Variants in NRXN3 observed in about 807,000 individuals in gnomAD.
NRXN3 encodes the protein neurexin III.
In NRXN3, 32 loss-of-function variants were observed where a neutral mutation model predicts 137.6. The observed-to-expected ratio is 0.23, with a 90% confidence interval of 0.18 to 0.31. NRXN3 has a LOEUF of 0.31. Ranked by LOEUF, NRXN3 falls within the 10% of genes least tolerant of loss-of-function variation. NRXN3 has a pLI of 1.00. For missense variants in NRXN3, 1,574 were observed against 2,062.5 expected (o/e 0.76, Z 4.59); for synonymous variants, 798 against 784.5 (o/e 1.02, Z -0.29).
chr14:79,357,693 T>C (rs1305651367), intron 15 of NRXN3, among the ~76,000 whole-genome samples: 2 of 152,158 alleles, frequency 1.3e-5, no homozygotes, highest in African/African-American at 2.4e-5. Context: ...ATTTCCAGGA[T>C]TTAAGAAAAA....
intron 4 of NRXN3, among the ~76,000 whole-genome samples, chr14:78,456,838 TTTCTTTC>T (rs1219130282): frequency 1.6e-4 from 21 of 132,172 alleles, no homozygotes; most frequent in African/African-American, 5.1e-4. Flanking sequence ...TCTTTCTTTC[TTTCTTTC>T]TTTCTTTCTT....
At chr14:79,153,100 G>T (rs1356846530) in intron 15 of NRXN3, among the ~76,000 whole-genome samples, 3 of 151,938 alleles carry the variant, frequency 2.0e-5, no homozygotes, top group African/African-American at 7.2e-5. Flanking sequence ...GGGCAAGGAG[G>T]TGGAGAATGA....
chr14:78,407,776 T>A (rs999397479), intron 4 of NRXN3, among the ~76,000 whole-genome samples: 1 of 152,218 alleles, frequency 6.6e-6, no homozygotes, highest in South Asian at 2.1e-4. Flanking sequence ...ATCCCATTAG[T>A]CAACGAAGTC....
chr14:79,751,232 C>A (rs952987679), intron 19 of NRXN3, among the ~76,000 whole-genome samples: 14 of 152,104 alleles, frequency 9.2e-5, no homozygotes, highest in African/African-American at 2.9e-4. Context: ...TTGTTTGTAT[C>A]CTCTTTTATT....
intron 20 of NRXN3, among the ~76,000 whole-genome samples, chr14:79,825,085 C>T (rs2099290139): frequency 6.6e-6 from 1 of 151,788 alleles, no homozygotes; most frequent in African/African-American, 2.4e-5. Flanking sequence ...TGGAGTCAAC[C>T]TTATCCCTTC....
At chr14:78,471,802 A>G (rs1274219304) in intron 4 of NRXN3, among the ~76,000 whole-genome samples, 1 of 152,202 alleles carries the variant, frequency 6.6e-6, no homozygotes, top group East Asian at 1.9e-4. Context: ...AGAGAGGGTG[A>G]AACAATGCAA....
In NRXN3 at chr14:78,957,340, GTGGA is replaced by G; in HGVS notation, c.2377_2380del (p.Asp793MetfsTer25). On this transcript the variant is annotated frameshift_variant, in exon 11 of 21. Transcript: ENST00000335750. LOFTEE classifies it high-confidence loss of function. ...GAGAGGAAAAAGCCTTAAGTTAACCGTGGATGATGATGTGGCTGAGGGTGAGTAT... is the reference window on the plus strand; with the variant it reads ...GAGAGGAAAAAGCCTTAAGTTAACCGTGATGATGTGGCTGAGGGTGAGTAT... The G allele has an allele frequency of 6.2e-7, 1 of 1,614,040 alleles. No homozygotes were observed. Among genetic ancestry groups the G allele is most frequent in the Non-Finnish European group, 8.5e-7 (1 of 1,179,976 alleles).
At chr14:79,328,584 T>A (rs1458666221) in intron 15 of NRXN3, among the ~76,000 whole-genome samples, 1 of 152,184 alleles carries the variant, frequency 6.6e-6, no homozygotes, top group African/African-American at 2.4e-5. Flanking sequence ...CTCTCTAAAC[T>A]TGTCATGTTG....
intron 15 of NRXN3, among the ~76,000 whole-genome samples, chr14:79,156,908 G>A (rs1020125139): frequency 6.6e-6 from 1 of 151,788 alleles, no homozygotes; most frequent in Non-Finnish European, 1.5e-5. Context: ...CCTCTGCATG[G>A]TAGAATGTAT....
intron 15 of NRXN3, among the ~76,000 whole-genome samples, chr14:79,173,923 G>C (rs1307330678): frequency 6.6e-6 from 1 of 152,174 alleles, no homozygotes; most frequent in African/African-American, 2.4e-5. Context: ...TGTGGGCTAA[G>C]TTTGTATCTT....
At chr14:78,445,796 T>G (rs1237267237) in intron 4 of NRXN3, among the ~76,000 whole-genome samples, 4 of 152,230 alleles carry the variant, frequency 2.6e-5, no homozygotes, top group Non-Finnish European at 4.4e-5. Flanking sequence ...GTTTGGTCTC[T>G]TCTCAATGGA....
chr14:78,426,206 C>A (rs1451632752), intron 4 of NRXN3, among the ~76,000 whole-genome samples: 2 of 152,192 alleles, frequency 1.3e-5, no homozygotes, highest in South Asian at 2.1e-4. Flanking sequence ...CTGGAGGGGA[C>A]TTAGGAGAGG....
intron 16 of NRXN3, among the ~76,000 whole-genome samples, chr14:79,587,977 G>A (rs907851124): frequency 6.6e-6 from 1 of 152,110 alleles, no homozygotes; most frequent in Non-Finnish European, 1.5e-5. Context: ...CTTTGAGTAA[G>A]TTCTTAGAAG....
At chr14:78,970,983 A>T (rs2099436820) in intron 14 of NRXN3, among the ~76,000 whole-genome samples, 2 of 152,180 alleles carry the variant, frequency 1.3e-5, no homozygotes, top group South Asian at 4.1e-4. Flanking sequence ...TGAGGGAAGA[A>T]AGTCCTTGTT....
intron 8 of NRXN3, among the ~76,000 whole-genome samples, chr14:78,785,770 C>G (rs2098787450): frequency 6.6e-6 from 1 of 152,146 alleles, no homozygotes; most frequent in Non-Finnish European, 1.5e-5. Context: ...AATACCTACC[C>G]CACAATCCTA....
In NRXN3 at chr14:79,454,503, AC is replaced by A. The variant is rs377367740; in HGVS notation, c.3263-12716del. 1.9e-3 allele frequency among the ~76,000 whole-genome samples: 290 copies of A among 152,274 alleles called. 1 individual carries two copies. The highest frequency in any genetic ancestry group is 6.2e-3 in the African/African-American group (259 of 41,560). On this transcript the variant is annotated intron_variant, in intron 15 of 20. Transcript: ENST00000335750. ...AGTGCTGGGAATACAGGCATGAGTC[AC>A]CGTGCCCAGCCCAATCATATATTCT...
chr14:78,816,641 A>G lies in NRXN3; in HGVS notation c.2275+6297A>G, dbSNP rs889041448. Among the ~76,000 whole-genome samples, 7 of 152,324 alleles carry G rather than the reference A, an allele frequency of 4.6e-5. No individual in the cohort carries two copies. The East Asian group carries it at 1.3e-3, about 29-fold the overall frequency. ...CTTTTGTTCATTAGTTAATGCATAC[A>G]TGTATAAGAAGATCTATTGGATAAA... On this transcript the variant is annotated intron_variant, in intron 10 of 20. Coordinates refer to ENST00000335750, the MANE Select transcript of NRXN3 (RefSeq NM_001330195.2).
intron 16 of NRXN3, among the ~76,000 whole-genome samples, chr14:79,510,467 C>T (rs1365860257): frequency 3.3e-5 from 5 of 152,136 alleles, no homozygotes; most frequent in African/African-American, 4.8e-5. Flanking sequence ...CCTATCCCAC[C>T]GATTCAGAAT....
chr14:79,284,611 T>G (rs1226993301), intron 15 of NRXN3, among the ~76,000 whole-genome samples: 1 of 151,944 alleles, frequency 6.6e-6, no homozygotes, highest in African/African-American at 2.4e-5. Context: ...CAGGAAGAAC[T>G]CTTGCTCAGA....
Sources: allele counts gnomAD v4.1 joint callset (sites outside exome capture counted in the v4.1 genomes callset), GRCh38; gene constraint gnomAD v4.1.1; transcripts MANE v1.5; gene names NCBI Gene and HGNC (gene_info 2026-07-23, HGNC 2026-07-21).